GLYAT: variants seen among roughly 807,000 people sequenced by gnomAD.
GLYAT encodes the protein glycine-N-acyltransferase, also known as glycine N-acyltransferase.
GLYAT carries 25 observed loss-of-function variants against 22.8 expected under a neutral mutation model. The ratio of observed to expected loss-of-function variants is 1.09; its 90% CI spans 0.80 to 1.53. The LOEUF is 1.53. GLYAT is among the 40% of genes most tolerant of loss of function. GLYAT has a pLI of 0.00. For synonymous variants in GLYAT, 140 were observed against 122.7 expected (o/e 1.14, Z -0.93); for missense variants, 411 against 353.9 (o/e 1.16, Z -1.29).
chr11:58,727,397 G>A (rs1856821641), intron 1 of GLYAT, among the ~76,000 whole-genome samples: 1 of 152,168 alleles, frequency 6.6e-6, no homozygotes, highest in African/African-American at 2.4e-5. Context: ...AGACAGTTTG[G>A]TAGGTGTGCA....
chr11:58,729,215 T>C (rs527570269), intron 1 of GLYAT, among the ~76,000 whole-genome samples: 2 of 152,262 alleles, frequency 1.3e-5, no homozygotes, highest in East Asian at 1.9e-4. Flanking sequence ...TGAAATTTCC[T>C]ACTTCAGTTC....
chr11:58,729,606 A>G (rs1472965878), intron 1 of GLYAT, among the ~76,000 whole-genome samples: 1 of 152,186 alleles, frequency 6.6e-6, no homozygotes, highest in Non-Finnish European at 1.5e-5. Flanking sequence ...AATACATGAA[A>G]TGCTTGTATT....
At chr11:58,711,611 G>A (rs2509909) in intron 4 of GLYAT, among the ~76,000 whole-genome samples, 9,137 of 152,188 alleles carry the variant, frequency 0.06, 614 homozygotes, top group African/African-American at 0.16. Context: ...TCTGGGCTGC[G>A]TAATTGTGTA....
intron 2 of GLYAT, among the ~76,000 whole-genome samples, chr11:58,716,432 GA>G (rs1175762484): frequency 7.2e-4 from 109 of 152,016 alleles, no homozygotes; most frequent in African/African-American, 2.4e-3. Context: ...GAATGAAGGT[GA>G]AAAAAACTCT....
At chr11:58,723,554 G>A (rs1856778188) in intron 2 of GLYAT, among the ~76,000 whole-genome samples, 1 of 152,042 alleles carries the variant, frequency 6.6e-6, no homozygotes, top group East Asian at 1.9e-4. Context: ...TAATTTGAAT[G>A]TATTTACCTG....
At chr11:58,724,663 T>C (rs1271114039) in intron 1 of GLYAT, among the ~76,000 whole-genome samples, 152 bp from the exon 2 acceptor site, 1 of 152,092 alleles carries the variant, frequency 6.6e-6, no homozygotes, top group African/African-American at 2.4e-5. Context: ...ATGAGACTCG[T>C]AGAAAACACA....
chr11:58,722,647 A>G (rs1856764043), intron 2 of GLYAT, among the ~76,000 whole-genome samples: 1 of 152,102 alleles, frequency 6.6e-6, no homozygotes, highest in African/African-American at 2.4e-5. Flanking sequence ...AATAAATAGA[A>G]TGGGAGGCAA....
rs569198903 is a variant in GLYAT, at chr11:58,727,713, G to T, written c.-15-3202C>A. ...TCAGGAGCTGGGCAAGTGGGCTCAA[G>T]CATGTGCATTCAGAGACAAAAAGGT... is the stretch of plus-strand genomic sequence containing the variant. On this transcript the variant is annotated intron_variant, in intron 1 of 5. Transcript: ENST00000344743. 5.9e-5 allele frequency among the ~76,000 whole-genome samples: 9 copies of T among 152,314 alleles called. No individual in the cohort carries two copies. In the South Asian group the frequency reaches 1.7e-3, roughly 28 times the overall value.
intron 4 of GLYAT, among the ~76,000 whole-genome samples, chr11:58,711,948 C>T (rs1010144232): frequency 2.6e-5 from 4 of 152,232 alleles, no homozygotes; most frequent in African/African-American, 7.2e-5. Flanking sequence ...GCTAGCGACA[C>T]ATGTTGCCAT....
At chr11:58,716,485 C>T (rs773851880) in intron 2 of GLYAT, among the ~76,000 whole-genome samples, 3 of 152,044 alleles carry the variant, frequency 2.0e-5, no homozygotes, top group Admixed American at 6.6e-5. Context: ...ATTCTGTTTT[C>T]AGCCATGAGT....
intron 2 of GLYAT, among the ~76,000 whole-genome samples, chr11:58,723,641 C>A (rs1212745794): frequency 6.6e-6 from 1 of 152,066 alleles, no homozygotes; most frequent in East Asian, 1.9e-4. Flanking sequence ...GAGATACACA[C>A]ACACATATAC....
chr11:58,719,341 A>C (rs901659163), intron 2 of GLYAT, among the ~76,000 whole-genome samples: 4 of 152,012 alleles, frequency 2.6e-5, no homozygotes, highest in East Asian at 3.9e-4. Context: ...ATTTGTAAAC[A>C]ATCTATAAAA....
intron 1 of GLYAT, chr11:58,728,834 G>GA (rs1276103688): frequency 6.9e-5 from 7 of 100,788 alleles, no homozygotes; most frequent in African/African-American, 2.2e-4. Context: ...AAAAGAAAAA[G>GA]AAAAAAAGGA....
At chr11:58,710,948 C>A (rs1015447140) in intron 4 of GLYAT, among the ~76,000 whole-genome samples, 187 bp from the exon 5 acceptor site, 15 of 152,272 alleles carry the variant, frequency 9.9e-5, no homozygotes, top group Non-Finnish European at 8.8e-5. Flanking sequence ...AGACTTCCCT[C>A]CCCATCTAAT....
chr11:58,728,663 C>G (rs1278670861), intron 1 of GLYAT: 1 of 151,772 alleles, frequency 6.6e-6, no homozygotes, highest in African/African-American at 2.4e-5. Flanking sequence ...AGCTTACTTA[C>G]TGATGGAAGT....
intron 1 of GLYAT, among the ~76,000 whole-genome samples, chr11:58,727,816 T>C (rs1856825185): frequency 6.6e-6 from 1 of 152,096 alleles, no homozygotes; most frequent in African/African-American, 2.4e-5. Context: ...ATGCATACAA[T>C]TCCAGTAAAC....
chr11:58,718,777 G>T (rs992303212), intron 2 of GLYAT, among the ~76,000 whole-genome samples: 8 of 151,482 alleles, frequency 5.3e-5, no homozygotes, highest in South Asian at 4.2e-4. Flanking sequence ...ACCAAAACAA[G>T]ACAATAATTT....
rs150441293 is a variant in GLYAT, at chr11:58,725,741, G to T, written c.-15-1230C>A. 5.0e-3 allele frequency among the ~76,000 whole-genome samples: 767 copies of T among 152,270 alleles called. 8 individuals are homozygous for T. Among genetic ancestry groups the T allele is most frequent in the African/African-American group, 0.018 (734 of 41,560 alleles). On this transcript the variant is annotated intron_variant, in intron 1 of 5. Coordinates refer to ENST00000344743, the MANE Select transcript of GLYAT (RefSeq NM_201648.3). ...AGGGGGCCAAGTGGGCGACCTGAGA[G>T]ATCAAGTGTGCAGTTGGACCTTTTG...
In GLYAT at chr11:58,710,760, A is replaced by G; in HGVS notation, c.318T>C (p.Ser106=). The change falls in exon 5 of 6, where the codon AGT becomes AGC. Residue 106 remains serine, a splice_region_variant and synonymous_variant. Transcript: ENST00000344743. Reference sequence around the variant, plus strand: ...TAGCCTCATTCAGGCTAGGCTGTGAACCTAGACGGTATAATAAACAGAGAT... The same window carrying G: ...TAGCCTCATTCAGGCTAGGCTGTGAGCCTAGACGGTATAATAAACAGAGAT... ...INWKQHLQIQ[S]SQPSLNEAIQ... The G allele has an allele frequency of 6.4e-7, 1 of 1,563,988 alleles. No homozygotes were observed. Among genetic ancestry groups the G allele is most frequent in the Non-Finnish European group, 8.8e-7 (1 of 1,134,646 alleles).
Sources: gnomAD v4.1 joint callset for allele counts (sites outside exome capture counted in the v4.1 genomes callset) on GRCh38, gnomAD v4.1.1 for gene constraint, MANE v1.5 for transcripts, NCBI Gene and HGNC (gene_info 2026-07-23, HGNC 2026-07-21) for gene names.